Variants in FAT3 observed in about 807,000 individuals in gnomAD.
The protein encoded by FAT3 is FAT atypical cadherin 3, also known as protocadherin Fat 3.
In FAT3, 95 loss-of-function variants were observed where a neutral mutation model predicts 310.2. The ratio of observed to expected loss-of-function variants is 0.31; its 90% CI spans 0.26 to 0.36. The LOEUF is 0.36. Ranked by LOEUF, FAT3 falls within the 10% of genes least tolerant of loss-of-function variation. The probability of loss-of-function intolerance (pLI) is 1.00; values close to 1 mark genes in which losing one functional copy is unlikely to be tolerated. For synonymous variants in FAT3, 2,314 were observed against 2,192.9 expected, an observed-to-expected ratio of 1.06 and a Z score of -1.54; for missense variants, 5,408 against 5,715.6, an observed-to-expected ratio of 0.95 and a Z score of 1.74.
At chr11:92,430,598 G>A (rs941061719) in intron 2 of FAT3, among the ~76,000 whole-genome samples, 11 of 152,000 alleles carry the variant, frequency 7.2e-5, no homozygotes, top group African/African-American at 2.4e-4. Context: ...TCATGTTGGT[G>A]TGCTGCACCC....
intron 3 of FAT3, among the ~76,000 whole-genome samples, chr11:92,636,395 A>G (rs1941769500): frequency 6.6e-6 from 1 of 152,224 alleles, no homozygotes; most frequent in Admixed American, 6.5e-5. Flanking sequence ...ACTTGTCATT[A>G]CCTTATCCTT....
intron 3 of FAT3, among the ~76,000 whole-genome samples, chr11:92,660,577 A>G (rs1942748021): frequency 6.6e-6 from 1 of 152,202 alleles, no homozygotes; most frequent in African/African-American, 2.4e-5. Flanking sequence ...TCTTGTCTTA[A>G]GCATGATGGA....
At chr11:92,673,923 A>G (rs950578435) in intron 3 of FAT3, among the ~76,000 whole-genome samples, 1 of 152,012 alleles carries the variant, frequency 6.6e-6, no homozygotes, top group African/African-American at 2.4e-5. Context: ...GTTCATGCCT[A>G]TAATCCTAGC....
chr11:92,669,733 A>G (rs1017985311), intron 3 of FAT3, among the ~76,000 whole-genome samples: 1 of 152,276 alleles, frequency 6.6e-6, no homozygotes, highest in African/African-American at 2.4e-5. Context: ...CTAGTTTCCA[A>G]TTCCAGCCCA....
At chr11:92,334,825 C>T (rs979223127) in intron 1 of FAT3, among the ~76,000 whole-genome samples, 8 of 152,126 alleles carry the variant, frequency 5.3e-5, no homozygotes, top group African/African-American at 1.9e-4. Context: ...GAGTTTCTCT[C>T]TTCTATGGGT....
intron 1 of FAT3, chr11:92,336,485 C>A: frequency 3.6e-6 from 1 of 280,890 alleles, no homozygotes; most frequent in Non-Finnish European, 7.0e-6. Context: ...AACTTAACAG[C>A]CCAACTGCCA....
intron 1 of FAT3, among the ~76,000 whole-genome samples, chr11:92,312,598 TC>T (rs1236384958): frequency 6.6e-6 from 1 of 152,212 alleles, no homozygotes; most frequent in Non-Finnish European, 1.5e-5. Flanking sequence ...CCTAGGGCTC[TC>T]ACAAACCTCA....
At position 92,355,167 on chromosome 11, in the gene FAT3, G is replaced by A. The variant is rs1565252984; in HGVS notation, c.3055G>A (p.Val1019Ile). Residue 1019 changes from valine (V) to isoleucine (I), a missense_variant, in exon 2 of 28, where the codon GTC becomes ATC. By Grantham distance (29) the Val-to-Ile change is conservative. Coordinates refer to ENST00000525166, the MANE Select transcript of FAT3 (RefSeq NM_001367949.2). ...TVRAKDKGRP[V>I]SLSSVSFVEV... ...GCGGGCCAAAGACAAAGGGCGGCCT[G>A]TCTCTCTGTCATCTGTTTCCTTTGT... The A allele has an allele frequency of 6.2e-7, 1 of 1,613,806 alleles. No individual in the cohort carries two copies. Among genetic ancestry groups the A allele is most frequent in the Admixed American group, 1.7e-5 (1 of 59,924 alleles).
intron 2 of FAT3, among the ~76,000 whole-genome samples, chr11:92,417,656 A>G (rs1229625492): frequency 6.6e-6 from 1 of 152,194 alleles, no homozygotes; most frequent in Non-Finnish European, 1.5e-5. Context: ...TACACAATGG[A>G]AAATATACTG....
intron 1 of FAT3, among the ~76,000 whole-genome samples, chr11:92,290,101 C>G (rs558427452): frequency 4.6e-5 from 7 of 152,224 alleles, no homozygotes; most frequent in African/African-American, 1.7e-4. Context: ...TCCCCATCAT[C>G]TGCATGGCTC....
At chr11:92,739,342 GT>G (rs5793622) in intron 4 of FAT3, among the ~76,000 whole-genome samples, 35,789 of 152,042 alleles carry the variant, frequency 0.24, 5,072 homozygotes, top group African/African-American at 0.4. Context: ...GAGCCTGCAT[GT>G]TATGGTAATG....
At chr11:92,355,557 T>C (rs930716304) in intron 2 of FAT3, among the ~76,000 whole-genome samples, 153 bp downstream of exon 2, 3 of 152,170 alleles carry the variant, frequency 2.0e-5, no homozygotes, top group African/African-American at 7.2e-5. Flanking sequence ...TTTCTTAGGA[T>C]GTTCTGGTTT....
intron 4 of FAT3, among the ~76,000 whole-genome samples, chr11:92,726,831 A>G (rs1457728914): frequency 2.0e-5 from 3 of 151,766 alleles, no homozygotes; most frequent in Non-Finnish European, 4.4e-5. Context: ...CAGATTCAAC[A>G]TGAAAAGCAA....
intron 3 of FAT3, among the ~76,000 whole-genome samples, chr11:92,676,833 G>A (rs570160932): frequency 1.3e-5 from 2 of 152,254 alleles, no homozygotes; most frequent in East Asian, 3.9e-4. Flanking sequence ...ATTTAAAGTT[G>A]TCTTATTTGG....
intron 4 of FAT3, among the ~76,000 whole-genome samples, chr11:92,722,830 G>T (rs550258485): frequency 1.3e-5 from 2 of 152,290 alleles, no homozygotes; most frequent in South Asian, 2.1e-4. Flanking sequence ...CTCTATGTTG[G>T]CCCCTTTCAG....
intron 2 of FAT3, among the ~76,000 whole-genome samples, chr11:92,417,576 A>G (rs577183396): frequency 2.2e-4 from 34 of 152,290 alleles, no homozygotes; most frequent in African/African-American, 7.0e-4. Flanking sequence ...AATCAGGGAA[A>G]TCTTCAGAGG....
chr11:92,342,780 T>C (rs535113409), intron 1 of FAT3, among the ~76,000 whole-genome samples: 32 of 152,286 alleles, frequency 2.1e-4, no homozygotes, highest in African/African-American at 7.5e-4. Context: ...TACCCTTTGG[T>C]TTCTGTCAGC....
At chr11:92,846,119 TG>T (rs1208221308) in intron 19 of FAT3, among the ~76,000 whole-genome samples, 3 of 152,220 alleles carry the variant, frequency 2.0e-5, no homozygotes, top group Non-Finnish European at 2.9e-5. Flanking sequence ...AGATTTCCTT[TG>T]TTGACAAACT....
intron 4 of FAT3, among the ~76,000 whole-genome samples, chr11:92,741,329 G>T (rs1212317041): frequency 6.6e-6 from 1 of 152,134 alleles, no homozygotes; most frequent in Non-Finnish European, 1.5e-5. Flanking sequence ...TACCACATAG[G>T]CATGAACTAC....
Sources: allele counts gnomAD v4.1 joint callset (sites outside exome capture counted in the v4.1 genomes callset), GRCh38; gene constraint gnomAD v4.1.1; transcripts MANE v1.5; gene names NCBI Gene and HGNC (gene_info 2026-07-23, HGNC 2026-07-21).